Variants in EHBP1 observed in about 807,000 individuals in gnomAD.
EHBP1 encodes the protein EH domain binding protein 1, also known as EH domain-binding protein 1.
A neutral mutation model predicts 144.0 loss-of-function variants in EHBP1; 55 were observed. The ratio of observed to expected loss-of-function variants is 0.38; its 90% CI spans 0.31 to 0.48. The LOEUF (loss-of-function observed/expected upper bound fraction) is 0.48, where lower values mean the gene tolerates loss of function less well. EHBP1 is among the 20% of genes least tolerant of loss of function. EHBP1 has a pLI of 0.98. For missense variants in EHBP1, 1,200 were observed against 1,364.2 expected (o/e 0.88, Z 1.90); for synonymous variants, 469 against 472.7 (o/e 0.99, Z 0.10).
chr2:62,984,852 T>C (rs1266747116), intron 15 of EHBP1, among the ~76,000 whole-genome samples: 1 of 152,180 alleles, frequency 6.6e-6, no homozygotes. Flanking sequence ...TTTAACATCA[T>C]ACAGGAACCT....
chr2:62,891,104 G>A (rs1444162113), intron 10 of EHBP1, among the ~76,000 whole-genome samples: 3 of 151,398 alleles, frequency 2.0e-5, no homozygotes, highest in Admixed American at 1.3e-4. Flanking sequence ...CTTGACCCGG[G>A]AGGCGGAGGT....
intron 10 of EHBP1, among the ~76,000 whole-genome samples, chr2:62,906,960 C>T (rs957019537): frequency 3.3e-5 from 5 of 152,108 alleles, no homozygotes; most frequent in African/African-American, 1.2e-4. Context: ...ATCTGGGTTT[C>T]GCATGTATCA....
intron 8 of EHBP1, among the ~76,000 whole-genome samples, chr2:62,863,020 C>G (rs180797797): frequency 6.6e-6 from 1 of 152,296 alleles, no homozygotes; most frequent in East Asian, 1.9e-4. Flanking sequence ...CAGTGGCTCA[C>G]GCCTGTAATC....
chr2:62,757,687 G>A (rs1429307529), intron 3 of EHBP1, among the ~76,000 whole-genome samples: 1 of 151,884 alleles, frequency 6.6e-6, no homozygotes, highest in East Asian at 1.9e-4. Context: ...ACCTGCCTTG[G>A]CCTTCCAAAG....
intron 10 of EHBP1, among the ~76,000 whole-genome samples, chr2:62,903,289 A>G (rs1287953745): frequency 6.6e-6 from 1 of 152,200 alleles, no homozygotes; most frequent in Non-Finnish European, 1.5e-5. Flanking sequence ...TTGGTGTAGC[A>G]TTTTTACAAT....
intron 19 of EHBP1, among the ~76,000 whole-genome samples, chr2:63,030,744 G>A (rs1190422137): frequency 6.7e-6 from 1 of 148,774 alleles, no homozygotes; most frequent in Non-Finnish European, 1.5e-5. Context: ...GCCTGCCTCG[G>A]CATCCCAAAG....
At chr2:63,037,687 C>A in intron 20 of EHBP1, 53 bp downstream of exon 20, 4 of 1,064,512 alleles carry the variant, frequency 3.8e-6, no homozygotes, top group Non-Finnish European at 2.8e-6. Context: ...AAATCTTAGG[C>A]CTCTTGTTAT....
intron 9 of EHBP1, among the ~76,000 whole-genome samples, chr2:62,869,031 G>A (rs916097045): frequency 6.6e-6 from 1 of 152,068 alleles, no homozygotes; most frequent in African/African-American, 2.4e-5. Flanking sequence ...TGAAAATATT[G>A]TATAGGAATG....
intron 10 of EHBP1, among the ~76,000 whole-genome samples, chr2:62,901,135 G>A (rs1228376839): frequency 6.6e-6 from 1 of 152,108 alleles, no homozygotes; most frequent in East Asian, 1.9e-4. Context: ...AAGTTGGCAG[G>A]TGTCTTTTTT....
At chr2:62,987,934 A>C in intron 15 of EHBP1, 1 of 1,544,004 alleles carries the variant, frequency 6.5e-7, no homozygotes, top group Non-Finnish European at 8.9e-7. Flanking sequence ...CCTACAGATG[A>C]AAATGATAAT....
At chr2:62,905,141 A>G (rs2053695858) in intron 10 of EHBP1, among the ~76,000 whole-genome samples, 1 of 152,148 alleles carries the variant, frequency 6.6e-6, no homozygotes. Context: ...GAGCTTCCCT[A>G]ACAGAACAAA....
chr2:62,826,883 GA>G (rs996382409), intron 6 of EHBP1, among the ~76,000 whole-genome samples: 3 of 152,118 alleles, frequency 2.0e-5, no homozygotes, highest in African/African-American at 7.2e-5. Context: ...ACAAAGCGGG[GA>G]AAAAAGTAAG....
intron 9 of EHBP1, among the ~76,000 whole-genome samples, chr2:62,873,609 C>A (rs2050653943): frequency 6.6e-6 from 1 of 152,070 alleles, no homozygotes; most frequent in Non-Finnish European, 1.5e-5. Context: ...ACTCTTCAGA[C>A]TCAGGAAATA....
Position 62,803,958 on chromosome 2 carries a change from A to C in EHBP1, c.313-22129A>C, listed in dbSNP as rs538676397. Among the ~76,000 whole-genome samples the C allele has an allele frequency of 9.2e-5, 14 of 152,372 alleles. No individual in the cohort carries two copies. In the South Asian group the frequency reaches 2.9e-3, roughly 32 times the overall value. On this transcript the variant is annotated intron_variant, in intron 5 of 22. Transcript: ENST00000431489. ...TTTCTATCTTTAAAATGGGAGTAGT[A>C]ATACTATCTACTTCCTAGGATTGTT... is the stretch of plus-strand genomic sequence containing the variant.
At chr2:62,705,374 C>G (rs1310765878), upstream of EHBP1, among the ~76,000 whole-genome samples, 1 of 152,148 alleles carries the variant, frequency 6.6e-6, no homozygotes, top group Admixed American at 6.5e-5. Flanking sequence ...TGACGGACAG[C>G]CACCTTCTGC....
chr2:62,854,950 A>G (rs1558798064), intron 7 of EHBP1, among the ~76,000 whole-genome samples: 1 of 152,110 alleles, frequency 6.6e-6, no homozygotes, highest in African/African-American at 2.4e-5. Context: ...GTACCCCTCT[A>G]TTCTTGGACC....
chr2:62,850,516 T>C (rs865917295), intron 7 of EHBP1, among the ~76,000 whole-genome samples: 26 of 152,270 alleles, frequency 1.7e-4, no homozygotes, highest in Middle Eastern at 3.4e-3. Context: ...TTTCTCTTCT[T>C]ATTCTCATCA....
intron 19 of EHBP1, among the ~76,000 whole-genome samples, chr2:63,021,073 A>T (rs1369666894): frequency 3.6e-5 from 5 of 137,470 alleles, no homozygotes; most frequent in African/African-American, 1.4e-4. Flanking sequence ...CTCCCACCTC[A>T]GCCTTCCAAG....
chr2:62,765,604 G>A (rs969502747), intron 4 of EHBP1, among the ~76,000 whole-genome samples: 2 of 152,064 alleles, frequency 1.3e-5, no homozygotes, highest in African/African-American at 4.8e-5. Flanking sequence ...CATCTCTTAG[G>A]TTTCATTTTT....
Sources: allele counts gnomAD v4.1 joint callset (sites outside exome capture counted in the v4.1 genomes callset), GRCh38; gene constraint gnomAD v4.1.1; transcripts MANE v1.5; gene names NCBI Gene and HGNC (gene_info 2026-07-23, HGNC 2026-07-21).